PKNOX2: variants seen among roughly 807,000 people sequenced by gnomAD.
The protein encoded by PKNOX2 is PBX/knotted 1 homeobox 2.
A neutral mutation model predicts 53.1 loss-of-function variants in PKNOX2; 14 were observed. The ratio of observed to expected loss-of-function variants is 0.26; its 90% CI spans 0.17 to 0.41. The LOEUF (loss-of-function observed/expected upper bound fraction) is 0.41. Among genes scored for constraint, PKNOX2 ranks in the 10% least tolerant of loss-of-function variants. The pLI, the probability that PKNOX2 is intolerant of heterozygous loss-of-function variation, is 1.00. For missense variants in PKNOX2, 496 were observed against 602.8 expected, an observed-to-expected ratio of 0.82 and a Z score of 1.85; for synonymous variants, 257 against 242.8, an observed-to-expected ratio of 1.06 and a Z score of -0.54.
At position 125,422,617 on chromosome 11, in the gene PKNOX2, G is replaced by A. The variant is rs1956225983; in HGVS notation, c.937-6395G>A. On this transcript the variant is annotated intron_variant, in intron 10 of 12. Transcript: ENST00000298282. This position sits in a 1 kb window ranked among gnomAD's most constrained non-coding sequence, Gnocchi z 4.1. Reference sequence around the variant, plus strand: ...TCGACAACAGGCAAGTCAGCTGCAGGGTTGCATGGAGGCGCTGAAAAGGGA... The same window carrying A: ...TCGACAACAGGCAAGTCAGCTGCAGAGTTGCATGGAGGCGCTGAAAAGGGA... Among the ~76,000 whole-genome samples, 1 of 152,152 alleles carries A rather than the reference G, an allele frequency of 6.6e-6. No homozygotes were observed. Among genetic ancestry groups the A allele is most frequent in the Non-Finnish European group, 1.5e-5 (1 of 68,036 alleles).
rs184328616 is a variant in PKNOX2 at position 125,244,441 on chromosome 11, G to A, written c.-130+9326G>A. Among the ~76,000 whole-genome samples the A allele has an allele frequency of 4.4e-3, 676 of 152,286 alleles. 3 individuals carry two copies. The highest frequency in any genetic ancestry group is 7.3e-3 in the Non-Finnish European group (495 of 68,020). On this transcript the variant is annotated intron_variant, in intron 2 of 12. Coordinates refer to ENST00000298282, the MANE Select transcript of PKNOX2 (RefSeq NM_001382323.2). ...CCTTCCAGATCTGTCTCTTGGTGGG[G>A]TTGGCCCCAGCTGGCAAAGAATCTG... is the stretch of plus-strand genomic sequence containing the variant.
chr11:125,411,057 G>A (rs1955480065), intron 9 of PKNOX2, 181 bp downstream of exon 9: 3 of 581,224 alleles, frequency 5.2e-6, no homozygotes, highest in Non-Finnish European at 9.1e-6. Flanking sequence ...ATCAACTCCT[G>A]GGATTTTGCT....
rs11219966 is a variant in PKNOX2 at position 125,190,785 on chromosome 11, T to C, written c.-201+26009T>C. Among the ~76,000 whole-genome samples the C allele has an allele frequency of 5.6e-3, 851 of 152,290 alleles. 8 individuals are homozygous for C. The highest frequency in any genetic ancestry group is 0.019 in the African/African-American group (807 of 41,562). ...CCAGCAGGGATTCCCATCTTTTAAA[T>C]ACAGCGCTCTGTGACCAGCCCACCC... On this transcript the variant is annotated intron_variant, in intron 1 of 12. Transcript: ENST00000298282.
chr11:125,167,775 G>A (rs1591466566), intron 1 of PKNOX2, among the ~76,000 whole-genome samples: 2 of 152,268 alleles, frequency 1.3e-5, no homozygotes, highest in Admixed American at 1.3e-4. Flanking sequence ...GGCAAATCCA[G>A]TACCTCCCCT....
intron 1 of PKNOX2, among the ~76,000 whole-genome samples, chr11:125,187,793 G>A (rs963058866): frequency 2.6e-5 from 4 of 152,144 alleles, no homozygotes; most frequent in African/African-American, 9.7e-5. Flanking sequence ...TGTGATGTTA[G>A]CTGTCTACCA....
intron 1 of PKNOX2, among the ~76,000 whole-genome samples, chr11:125,179,435 C>T (rs1292390537): frequency 6.6e-6 from 1 of 152,092 alleles, no homozygotes; most frequent in Non-Finnish European, 1.5e-5. Context: ...TTGAGGTGAG[C>T]CTGAAGGGAG....
intron 3 of PKNOX2, among the ~76,000 whole-genome samples, chr11:125,349,362 C>G (rs577824491): frequency 1.3e-5 from 2 of 151,998 alleles, no homozygotes; most frequent in Admixed American, 1.3e-4. Context: ...GAGAGGCTCC[C>G]CCAAAGCCCC....
At chr11:125,229,415 G>A (rs941160255) in intron 1 of PKNOX2, among the ~76,000 whole-genome samples, 1 of 152,192 alleles carries the variant, frequency 6.6e-6, no homozygotes, top group Admixed American at 6.5e-5. Flanking sequence ...TACAATTTCT[G>A]GAGAAAAGTT....
intron 7 of PKNOX2, among the ~76,000 whole-genome samples, chr11:125,406,417 G>A (rs771438832): frequency 1.3e-5 from 2 of 152,200 alleles, no homozygotes; most frequent in African/African-American, 2.4e-5. Flanking sequence ...GCCTGCGTGC[G>A]CAACCCCAGC....
intron 1 of PKNOX2, among the ~76,000 whole-genome samples, chr11:125,216,092 C>G (rs976175137): frequency 1.3e-5 from 2 of 152,202 alleles, no homozygotes; most frequent in Non-Finnish European, 2.9e-5. Flanking sequence ...AGGCTTACCC[C>G]AGCTGCGGAG....
intron 1 of PKNOX2, among the ~76,000 whole-genome samples, chr11:125,203,596 T>A (rs999170020): frequency 6.6e-6 from 1 of 152,166 alleles, no homozygotes; most frequent in Non-Finnish European, 1.5e-5. Context: ...TGGAGGACAT[T>A]CTTCCCCTCT....
intron 4 of PKNOX2, among the ~76,000 whole-genome samples, chr11:125,360,641 T>C (rs1406979677): frequency 1.3e-5 from 2 of 152,168 alleles, no homozygotes; most frequent in Non-Finnish European, 2.9e-5. Context: ...TTATGCAGAA[T>C]GGGTTCCTTC....
chr11:125,310,259 G>A (rs747271939), intron 2 of PKNOX2, among the ~76,000 whole-genome samples: 1 of 152,100 alleles, frequency 6.6e-6, no homozygotes, highest in African/African-American at 2.4e-5. Context: ...CACTTTGGGA[G>A]GCTGAGGCGG....
chr11:125,173,609 A>T (rs1048146128), intron 1 of PKNOX2, among the ~76,000 whole-genome samples: 1 of 152,176 alleles, frequency 6.6e-6, no homozygotes, highest in Non-Finnish European at 1.5e-5. Flanking sequence ...AGTCTAGAAG[A>T]TCTGTTTTTT....
chr11:125,368,040 AG>A, intron 5 of PKNOX2, 55 bp downstream of exon 5: 1 of 1,566,382 alleles, frequency 6.4e-7, no homozygotes, highest in South Asian at 1.2e-5. Context: ...GGCCCAGCTC[AG>A]CTGTGAGGGA....
intron 10 of PKNOX2, among the ~76,000 whole-genome samples, chr11:125,427,834 C>A (rs1565524193): frequency 6.6e-6 from 1 of 152,162 alleles, no homozygotes. Flanking sequence ...GTTCGCCACA[C>A]CTTAATTGCA....
At chr11:125,381,645 G>A (rs559091483) in intron 5 of PKNOX2, among the ~76,000 whole-genome samples, 3 of 152,022 alleles carry the variant, frequency 2.0e-5, no homozygotes, top group Non-Finnish European at 4.4e-5. Flanking sequence ...ATGTGACAAT[G>A]CCTCCCACCC....
intron 6 of PKNOX2, among the ~76,000 whole-genome samples, chr11:125,395,387 A>T (rs140183326): frequency 9.8e-5 from 15 of 152,344 alleles, no homozygotes; most frequent in Non-Finnish European, 1.5e-4. Flanking sequence ...AACAATTTGT[A>T]TACAGGTTTT....
chr11:125,271,437 TCCTC>T (rs1246593720), intron 2 of PKNOX2, among the ~76,000 whole-genome samples: 1 of 152,192 alleles, frequency 6.6e-6, no homozygotes. Flanking sequence ...TGAATAGACT[TCCTC>T]CCATAATTTG....
Sources: allele counts gnomAD v4.1 joint callset (sites outside exome capture counted in the v4.1 genomes callset), GRCh38; gene constraint gnomAD v4.1.1; non-coding constraint Gnocchi (gnomAD v3.1); transcripts MANE v1.5; gene names NCBI Gene and HGNC (gene_info 2026-07-23, HGNC 2026-07-21).